DIP2C: variants seen among roughly 807,000 people sequenced by gnomAD.
DIP2C encodes the protein disco-interacting protein 2 homolog C.
DIP2C carries 33 observed loss-of-function variants against 192.4 expected under a neutral mutation model. That is an observed-to-expected ratio of 0.17 (90% CI 0.13 to 0.23). DIP2C has a LOEUF of 0.23. DIP2C is among the 10% of genes least tolerant of loss of function. The probability of loss-of-function intolerance (pLI) is 1.00; values close to 1 mark genes in which losing one functional copy is unlikely to be tolerated. For missense variants in DIP2C, 1,537 were observed against 2,110.1 expected (o/e 0.73, Z 5.32); for synonymous variants, 979 against 864.1 (o/e 1.13, Z -2.33).
At chr10:540,804 G>A (rs1289611954) in intron 1 of DIP2C, among the ~76,000 whole-genome samples, 1 of 152,210 alleles carries the variant, frequency 6.6e-6, no homozygotes, top group Non-Finnish European at 1.5e-5. Flanking sequence ...GAAATCCTCA[G>A]AGCAATCATG....
chr10:619,368 G>T (rs1035498031), intron 1 of DIP2C, among the ~76,000 whole-genome samples: 1 of 152,208 alleles, frequency 6.6e-6, no homozygotes, highest in Non-Finnish European at 1.5e-5. Context: ...TGGCTCCGGG[G>T]AAGCGACCGT....
chr10:570,194 G>A (rs1849696623), intron 1 of DIP2C, among the ~76,000 whole-genome samples: 1 of 152,180 alleles, frequency 6.6e-6, no homozygotes, highest in Non-Finnish European at 1.5e-5. Flanking sequence ...TGCCACCATA[G>A]CTGTGAGTCT....
At chr10:521,998 TCA>T (rs1289983503) in intron 1 of DIP2C, among the ~76,000 whole-genome samples, 1 of 151,982 alleles carries the variant, frequency 6.6e-6, no homozygotes, top group Non-Finnish European at 1.5e-5. Context: ...TCTGTGGGTT[TCA>T]CAGACGTGGA....
chr10:390,649 G>C (rs1963389942), intron 11 of DIP2C, 91 bp downstream of exon 11: 4 of 1,541,346 alleles, frequency 2.6e-6, no homozygotes, highest in Admixed American at 3.9e-5. Flanking sequence ...ATTCCACAGA[G>C]GATTGAAACC....
intron 4 of DIP2C, among the ~76,000 whole-genome samples, chr10:427,058 A>C (rs1966640584): frequency 6.6e-6 from 1 of 152,252 alleles, no homozygotes; most frequent in Non-Finnish European, 1.5e-5. Context: ...AATGTAATAA[A>C]TTACCTTGAT....
At chr10:366,894 G>T (rs920876485) in intron 18 of DIP2C, among the ~76,000 whole-genome samples, 1 of 152,200 alleles carries the variant, frequency 6.6e-6, no homozygotes, top group Non-Finnish European at 1.5e-5. Flanking sequence ...ATGCTGATAA[G>T]TTCTCACTGG....
In DIP2C at chr10:636,208, G is replaced by A. The variant is rs1356811840; in HGVS notation, c.85+53286C>T. Reference sequence around the variant, plus strand: ...GTCGACAGAACACCAACGGCTCGTCGGCTCGTCGGCTCTTCCCGGCTGAAC... The same window carrying A: ...GTCGACAGAACACCAACGGCTCGTCAGCTCGTCGGCTCTTCCCGGCTGAAC... On this transcript the variant is annotated intron_variant, in intron 1 of 36. Coordinates refer to ENST00000280886, the MANE Select transcript of DIP2C (RefSeq NM_014974.3). The surrounding 1 kb of genome is among the most constrained non-coding windows in gnomAD (Gnocchi z 4.6). 3.3e-5 allele frequency among the ~76,000 whole-genome samples: 5 copies of A among 152,296 alleles called. No homozygotes were observed. The highest frequency in any genetic ancestry group is 1.9e-4 in the East Asian group (1 of 5,178).
At chr10:683,840 TA>T (rs1346948497) in intron 1 of DIP2C, among the ~76,000 whole-genome samples, 2 of 152,090 alleles carry the variant, frequency 1.3e-5, no homozygotes, top group South Asian at 2.1e-4. Context: ...AAATCAGTTC[TA>T]AAAAAAGAGA....
chr10:584,198 AAT>A (rs1198899249), intron 1 of DIP2C, among the ~76,000 whole-genome samples: 22 of 152,202 alleles, frequency 1.4e-4, no homozygotes, highest in Non-Finnish European at 2.9e-4. Context: ...GGAAAAGAAA[AAT>A]ATACACCAAT....
chr10:414,140 G>A, intron 7 of DIP2C, 30 bp from the exon 8 acceptor site: 1 of 1,591,608 alleles, frequency 6.3e-7, no homozygotes, highest in Non-Finnish European at 8.6e-7. Flanking sequence ...GAGGTTACAA[G>A]AGAAATGCAT....
chr10:369,673 T>TA, intron 17 of DIP2C, 40 bp from the exon 18 acceptor site: 1 of 1,613,924 alleles, frequency 6.2e-7, no homozygotes, highest in African/African-American at 1.3e-5. Flanking sequence ...CAGGAGCAGA[T>TA]AAGCCATCAC....
rs899166655 is a variant in DIP2C, at chr10:274,405, G to A, written c.*2920C>T. On this transcript the variant is annotated 3_prime_UTR_variant, in exon 37 of 37. Coordinates refer to ENST00000280886, the MANE Select transcript of DIP2C (RefSeq NM_014974.3). The stretch of plus-strand genomic sequence containing the variant: ...TCCCTGTAGGAGTCACTTCCTTCCC[G>A]GGATTAAAGCTGTCCCAGACATCTT... 3.3e-5 allele frequency: 5 copies of A among 152,118 alleles called. No individual in the cohort carries two copies. Among genetic ancestry groups the A allele is most frequent in the South Asian group, 2.1e-4 (1 of 4,832 alleles). The allele number at this position is 152,118 out of a possible 1,614,324, so 9.4% of individuals were successfully genotyped here.
chr10:447,265 T>A (rs1968315196), intron 3 of DIP2C, among the ~76,000 whole-genome samples: 3 of 142,568 alleles, frequency 2.1e-5, no homozygotes, highest in Admixed American at 1.4e-4. Flanking sequence ...TAGGACCCAA[T>A]CACCCCCGTC....
rs564087262 is a variant in DIP2C, at chr10:531,865, C to G, written c.86-45335G>C. 4.6e-5 allele frequency among the ~76,000 whole-genome samples: 7 copies of G among 152,354 alleles called. No homozygotes were observed. The East Asian group carries it at 1.2e-3, about 25-fold the overall frequency. On this transcript the variant is annotated intron_variant, in intron 1 of 36. Transcript: ENST00000280886. ...GCAGGCAACGCTTGCAACTCCAGCA[C>G]GCGGCAGCTTCCAGCTCCAGCACAA...
chr10:354,559 C>T (rs1958982272), intron 24 of DIP2C, among the ~76,000 whole-genome samples: 1 of 152,138 alleles, frequency 6.6e-6, no homozygotes, highest in Non-Finnish European at 1.5e-5. Flanking sequence ...TTGAGCTGCC[C>T]ATCAATACCT....
intron 32 of DIP2C, among the ~76,000 whole-genome samples, chr10:296,952 G>A (rs1162263089): frequency 6.6e-6 from 1 of 151,448 alleles, no homozygotes; most frequent in Non-Finnish European, 1.5e-5. Context: ...ACGAGTTAAT[G>A]GGTGCAGCAT....
chr10:382,591 G>T, intron 17 of DIP2C, 56 bp downstream of exon 17: 1 of 1,387,694 alleles, frequency 7.2e-7, no homozygotes, highest in Non-Finnish European at 1.0e-6. Flanking sequence ...ATCTCCCTTC[G>T]CTGCTGAATT....
chr10:455,147 G>A (rs997753823), intron 3 of DIP2C, among the ~76,000 whole-genome samples: 1 of 152,212 alleles, frequency 6.6e-6, no homozygotes, highest in Non-Finnish European at 1.5e-5. Context: ...GTAGGTTCGG[G>A]AGCCAGGCCG....
chr10:349,256 G>GGGT, intron 25 of DIP2C, 75 bp downstream of exon 25: 1 of 1,547,106 alleles, frequency 6.5e-7, no homozygotes, highest in Non-Finnish European at 8.7e-7. Flanking sequence ...AGGCACCAGC[G>GGGT]GGTGTAAGGG....
Sources: gnomAD v4.1 joint callset for allele counts (sites outside exome capture counted in the v4.1 genomes callset) on GRCh38, gnomAD v4.1.1 for gene constraint, Gnocchi (gnomAD v3.1) non-coding constraint, MANE v1.5 for transcripts, NCBI Gene and HGNC (gene_info 2026-07-23, HGNC 2026-07-21) for gene names.